The following VPS13A variants were observed in gnomAD, a reference collection of about 807,000 sequenced individuals.
VPS13A encodes intermembrane lipid transfer protein VPS13A.
A neutral mutation model predicts 390.9 loss-of-function variants in VPS13A; 264 were observed. The ratio of observed to expected loss-of-function variants is 0.68; its 90% CI spans 0.61 to 0.75. The LOEUF is 0.75. Among genes scored for constraint, VPS13A ranks in the 30% least tolerant of loss-of-function variants. The probability of loss-of-function intolerance (pLI) is 0.00; values close to 1 mark genes in which losing one functional copy is unlikely to be tolerated. For synonymous variants in VPS13A, 1,231 were observed against 1,227.1 expected (o/e 1.00, Z -0.07); for missense variants, 3,409 against 3,733.9 (o/e 0.91, Z 2.27).
intron 19 of VPS13A, among the ~76,000 whole-genome samples, chr9:77,245,172 C>T (rs1292885141): frequency 6.6e-6 from 1 of 152,150 alleles, no homozygotes; most frequent in East Asian, 1.9e-4. Context: ...AAATACTCCC[C>T]ACTCCCTTCC....
chr9:77,191,968 G>A (rs78663845), intron 1 of VPS13A, among the ~76,000 whole-genome samples: 1,864 of 152,190 alleles, frequency 0.012, 32 homozygotes, highest in African/African-American at 0.043. Context: ...CACTATTATT[G>A]TGTGGTTGTG....
chr9:77,212,226 C>G (rs1826010665), intron 7 of VPS13A, among the ~76,000 whole-genome samples: 2 of 152,050 alleles, frequency 1.3e-5, no homozygotes, highest in Admixed American at 6.5e-5. Context: ...ACTTATAAAC[C>G]CTTTTTAAAC....
At chr9:77,319,537 A>G (rs1443151507) in intron 41 of VPS13A, 35 bp from the exon 42 acceptor site, 1 of 1,356,910 alleles carries the variant, frequency 7.4e-7, no homozygotes, top group Non-Finnish European at 1.1e-6. Context: ...AACAGGATGG[A>G]AGATCATTTT....
chr9:77,348,462 T>C (rs1409121814), intron 52 of VPS13A, among the ~76,000 whole-genome samples: 3 of 152,050 alleles, frequency 2.0e-5, no homozygotes, highest in Non-Finnish European at 2.9e-5. Context: ...TGGGGCCTGT[T>C]GGGGGCATGG....
intron 33 of VPS13A, among the ~76,000 whole-genome samples, chr9:77,299,356 G>T (rs1354501577): frequency 6.6e-6 from 1 of 152,098 alleles, no homozygotes; most frequent in Non-Finnish European, 1.5e-5. Flanking sequence ...GGGCAGTATG[G>T]CCATTTACCA....
chr9:77,254,147 G>A (rs1054642556), intron 22 of VPS13A, among the ~76,000 whole-genome samples: 3 of 151,844 alleles, frequency 2.0e-5, no homozygotes, highest in Non-Finnish European at 2.9e-5. Context: ...GTTTCACCGT[G>A]CCAGCCAGGA....
At chr9:77,250,448 A>G (rs1045088117) in intron 21 of VPS13A, among the ~76,000 whole-genome samples, 1 of 152,174 alleles carries the variant, frequency 6.6e-6, no homozygotes, top group Non-Finnish European at 1.5e-5. Context: ...TCACAGGTAG[A>G]GCATGAGTGG....
intron 19 of VPS13A, 42 bp downstream of exon 19, chr9:77,238,428 C>G (rs760905267): frequency 5.9e-6 from 8 of 1,357,526 alleles, no homozygotes; most frequent in African/African-American, 1.4e-5. Context: ...ATACTGTATC[C>G]TATATTAAAC....
chr9:77,287,598 T>G (rs1446479184), intron 31 of VPS13A, among the ~76,000 whole-genome samples: 7 of 152,202 alleles, frequency 4.6e-5, no homozygotes, highest in Non-Finnish European at 7.4e-5. Context: ...GAGTGATATG[T>G]GCTTTGAAAA....
intron 36 of VPS13A, 98 bp downstream of exon 36, chr9:77,314,217 G>GT: frequency 7.6e-7 from 1 of 1,323,282 alleles, no homozygotes; most frequent in South Asian, 1.3e-5. Context: ...CATTTATTTT[G>GT]TAGTATCTGT....
At chr9:77,205,695 G>A (rs545441568) in intron 4 of VPS13A, among the ~76,000 whole-genome samples, 5 of 151,980 alleles carry the variant, frequency 3.3e-5, no homozygotes, top group Non-Finnish European at 5.9e-5. Flanking sequence ...GGGTTCAAGC[G>A]ATTCTCCTGC....
At chr9:77,296,847 G>A (rs1209503600) in intron 33 of VPS13A, among the ~76,000 whole-genome samples, 1 of 151,860 alleles carries the variant, frequency 6.6e-6, no homozygotes, top group Non-Finnish European at 1.5e-5. Context: ...ATAAATTTGG[G>A]GCTATTCAAG....
rs763310352 is a variant in VPS13A at position 77,421,142 on chromosome 9, T to A, written c.*5136T>A. On this transcript the variant is annotated 3_prime_UTR_variant, in exon 72 of 72. Transcript: ENST00000360280. ...AATTGATGAAATAGCCTGTGCTGCTTTGGAATGCTTATTCTTTCTTTGATG... is the reference window on the plus strand; with the variant it reads ...AATTGATGAAATAGCCTGTGCTGCTATGGAATGCTTATTCTTTCTTTGATG... 1 of 152,240 alleles carries A rather than the reference T, an allele frequency of 6.6e-6. No individual in the cohort carries two copies. Among genetic ancestry groups the A allele is most frequent in the Non-Finnish European group, 1.5e-5 (1 of 68,034 alleles). 9.4% of individuals were successfully genotyped at this position (152,240 alleles called of 1,614,324 possible). A position where few individuals can be genotyped will look rare whatever the true frequency, so the allele number is the denominator to read the frequency against.
intron 68 of VPS13A, chr9:77,395,945 A>G (rs577982581): frequency 1.3e-5 from 2 of 152,300 alleles, no homozygotes; most frequent in South Asian, 4.1e-4. Flanking sequence ...GTAAAACCTC[A>G]GTGATTTGAA....
chr9:77,327,427 G>A (rs1262470832), intron 45 of VPS13A, among the ~76,000 whole-genome samples: 1 of 152,036 alleles, frequency 6.6e-6, no homozygotes, highest in African/African-American at 2.4e-5. Context: ...CAAATGTATA[G>A]AGCAAATAGT....
chr9:77,379,430 G>T (rs1833309361), intron 67 of VPS13A, among the ~76,000 whole-genome samples: 1 of 152,048 alleles, frequency 6.6e-6, no homozygotes, highest in Non-Finnish European at 1.5e-5. Context: ...AGTAGAGACA[G>T]GGTTTCTCCA....
In VPS13A at chr9:77,351,447, G is replaced by A. The variant is rs763654348; in HGVS notation, c.7419+1G>A. The A allele has an allele frequency of 6.2e-7, 1 of 1,612,878 alleles. No individual in the cohort carries two copies. Among genetic ancestry groups the A allele is most frequent in the South Asian group, 1.1e-5 (1 of 91,078 alleles). On this transcript the variant is annotated splice_donor_variant, in intron 53 of 71. Coordinates refer to ENST00000360280, the MANE Select transcript of VPS13A (RefSeq NM_033305.3). LOFTEE classifies it high-confidence loss of function. Reference sequence around the variant, plus strand: ...CCATGGTGAAGTAACACAGAAGGATGTAAGTATTGGGTTATTATGGTGTTC... The same window carrying A: ...CCATGGTGAAGTAACACAGAAGGATATAAGTATTGGGTTATTATGGTGTTC...
In VPS13A at chr9:77,228,206, A is replaced by G. The variant is rs540979052; in HGVS notation, c.1537A>G (p.Ile513Val). Residue 513 changes from isoleucine to valine, a missense_variant, in exon 17 of 72, where the codon ATT becomes GTT. Ile to Val is a conservative substitution (Grantham distance 29). Around this residue, in one of 5 missense-constraint regions of VPS13A, gnomAD observed 2,717 missense variants for 2,917.4 expected, o/e 0.93. Coordinates refer to ENST00000360280, the MANE Select transcript of VPS13A (RefSeq NM_033305.3). ...ENHQKPELVD[I>V]VIEEFSTLIV... ...TCATCAAAAACCTGAGCTGGTAGAT[A>G]TTGTAATAGAAGAATTTAGCACCTT... 2.5e-6 allele frequency: 4 copies of G among 1,604,232 alleles called. No individual in the cohort carries two copies. The African/African-American group carries it at 4.0e-5, about 16-fold the overall frequency.
chr9:77,257,795 A>G lies in VPS13A; in HGVS notation c.2289-2291A>G, dbSNP rs1251678938. 3.3e-5 allele frequency among the ~76,000 whole-genome samples: 5 copies of G among 152,128 alleles called. No homozygotes were observed. The East Asian group carries it at 9.6e-4, about 29-fold the overall frequency. On this transcript the variant is annotated intron_variant, in intron 22 of 71. Coordinates refer to ENST00000360280, the MANE Select transcript of VPS13A (RefSeq NM_033305.3). ...TAAAACTGATACCAAGTTAGCTTCA[A>G]TTGCATGCAAAAACTCTACTTGTTT...
Sources: allele counts gnomAD v4.1 joint callset (sites outside exome capture counted in the v4.1 genomes callset), GRCh38; gene constraint gnomAD v4.1.1; regional missense constraint gnomAD v4.1.1; transcripts MANE v1.5; gene names NCBI Gene and HGNC (gene_info 2026-07-23, HGNC 2026-07-21).